GK5: variants seen among roughly 807,000 people sequenced by gnomAD.
GK5 encodes the protein ATP:glycerol 3-phosphotransferase 5.
A neutral mutation model predicts 77.3 loss-of-function variants in GK5; 39 were observed. The ratio of observed to expected loss-of-function variants is 0.50; its 90% CI spans 0.39 to 0.66. The LOEUF is 0.66. Ranked by LOEUF, GK5 falls within the 30% of genes least tolerant of loss-of-function variation. GK5 has a pLI of 0.00. For synonymous variants in GK5, 211 were observed against 208.0 expected (o/e 1.01, Z -0.13); for missense variants, 487 against 633.8 (o/e 0.77, Z 2.49).
intron 3 of GK5, among the ~76,000 whole-genome samples, 168 bp downstream of exon 3, chr3:142,213,358 T>C (rs1409480726): frequency 6.6e-6 from 1 of 152,186 alleles, no homozygotes. Flanking sequence ...CAAGCCCAAA[T>C]GACATGCAGT....
At chr3:142,205,995 A>G (rs2064100582) in intron 3 of GK5, among the ~76,000 whole-genome samples, 1 of 152,206 alleles carries the variant, frequency 6.6e-6, no homozygotes, top group South Asian at 2.1e-4. Flanking sequence ...ATATAAGTAG[A>G]ATTATACAAT....
chr3:142,225,248 C>G, intron 1 of GK5, 61 bp downstream of exon 1: 1 of 1,449,354 alleles, frequency 6.9e-7, no homozygotes, highest in Non-Finnish European at 9.1e-7. Flanking sequence ...CTCCCGAGGC[C>G]GGACCCCGGG....
At chr3:142,175,248 G>A (rs1483744387) in intron 12 of GK5, among the ~76,000 whole-genome samples, 2 of 152,144 alleles carry the variant, frequency 1.3e-5, no homozygotes, top group Non-Finnish European at 2.9e-5. Flanking sequence ...AGCCCTGCTA[G>A]AGGAAAGCCA....
chr3:142,184,098 A>C (rs190267836), intron 9 of GK5, among the ~76,000 whole-genome samples: 1 of 151,544 alleles, frequency 6.6e-6, no homozygotes, highest in East Asian at 1.9e-4. Flanking sequence ...CTCTACTAAA[A>C]AAAATACAAA....
At chr3:142,182,677 CAT>C (rs1429330216) in intron 10 of GK5, among the ~76,000 whole-genome samples, 1 of 152,068 alleles carries the variant, frequency 6.6e-6, no homozygotes, top group Non-Finnish European at 1.5e-5. Flanking sequence ...ACAAATACAA[CAT>C]GTGTTATAGA....
chr3:142,175,726 C>A (rs1184597655), intron 12 of GK5, among the ~76,000 whole-genome samples: 1 of 152,040 alleles, frequency 6.6e-6, no homozygotes, highest in Non-Finnish European at 1.5e-5. Context: ...AGGTTGCAAT[C>A]ATGGCAGGAC....
rs75469197 is a variant in GK5, at chr3:142,205,765, T to C, written c.318-977A>G. Among the ~76,000 whole-genome samples, 862 of 152,332 alleles carry C rather than the reference T, an allele frequency of 5.7e-3. 19 individuals are homozygous for C. Among genetic ancestry groups the C allele is most frequent in the African/African-American group, 0.02 (834 of 41,560 alleles). Reference sequence around the variant, plus strand: ...AAATTGTGGCAAAATATACATAATATGAGGTTTACCATTTTACCTATTTTA... The same window carrying C: ...AAATTGTGGCAAAATATACATAATACGAGGTTTACCATTTTACCTATTTTA... On this transcript the variant is annotated intron_variant, in intron 3 of 15. Coordinates refer to ENST00000392993, the MANE Select transcript of GK5 (RefSeq NM_001039547.3).
chr3:142,217,513 G>A (rs1245392467), intron 1 of GK5, among the ~76,000 whole-genome samples: 1 of 151,956 alleles, frequency 6.6e-6, no homozygotes, highest in Non-Finnish European at 1.5e-5. Flanking sequence ...GAAGAACAAA[G>A]CCCCAGGACA....
At chr3:142,220,224 A>G (rs1449670603) in intron 1 of GK5, among the ~76,000 whole-genome samples, 1 of 151,806 alleles carries the variant, frequency 6.6e-6, no homozygotes, top group Non-Finnish European at 1.5e-5. Flanking sequence ...TGCAAGCTCC[A>G]CCTCCCGGGT....
chr3:142,193,093 C>T (rs977497175), intron 5 of GK5, among the ~76,000 whole-genome samples: 1 of 152,036 alleles, frequency 6.6e-6, no homozygotes, highest in Non-Finnish European at 1.5e-5. Context: ...AGATACATTA[C>T]ATTAATAATA....
intron 11 of GK5, among the ~76,000 whole-genome samples, chr3:142,180,951 C>G (rs895672653): frequency 6.6e-6 from 1 of 152,196 alleles, no homozygotes; most frequent in Non-Finnish European, 1.5e-5. Context: ...AACCACCCCC[C>G]AGACTGACCA....
chr3:142,212,327 G>A (rs969067094), intron 3 of GK5, among the ~76,000 whole-genome samples: 1 of 152,002 alleles, frequency 6.6e-6, no homozygotes, highest in Non-Finnish European at 1.5e-5. Flanking sequence ...TTGAGCCAAG[G>A]AATTCGAGAC....
chr3:142,218,322 C>G (rs1309769738), intron 1 of GK5, among the ~76,000 whole-genome samples: 1 of 145,610 alleles, frequency 6.9e-6, no homozygotes, highest in Non-Finnish European at 1.5e-5. Context: ...TGTCTGAGCT[C>G]AGGAGTTCAC....
rs1560222996 is a variant in GK5, at chr3:142,193,707, C to CT, written c.543+5094dup. Among the ~76,000 whole-genome samples the CT allele has an allele frequency of 3.3e-5, 5 of 152,034 alleles. No homozygotes were observed. The South Asian group carries it at 1.0e-3, about 32-fold the overall frequency. ...TAAGCTTATTCATACGTATTTTATT[C>CT]TTTTTGATGTTTTTGTAAATGAAAC... On this transcript the variant is annotated intron_variant, in intron 5 of 15. Transcript: ENST00000392993.
chr3:142,177,843 C>G (rs1405114223), intron 11 of GK5, among the ~76,000 whole-genome samples: 2 of 149,934 alleles, frequency 1.3e-5, no homozygotes, highest in African/African-American at 2.5e-5. Flanking sequence ...TGCAGCAGGA[C>G]TTACGTTTTT....
At chr3:142,188,023 C>T (rs1477224601) in intron 5 of GK5, among the ~76,000 whole-genome samples, 1 of 151,834 alleles carries the variant, frequency 6.6e-6, no homozygotes, top group East Asian at 1.9e-4. Flanking sequence ...TAGTTGTATA[C>T]CAAGCATGCG....
chr3:142,185,570 G>A (rs2063757676), intron 9 of GK5: 1 of 1,083,034 alleles, frequency 9.2e-7, no homozygotes, highest in Middle Eastern at 4.5e-4. Flanking sequence ...TTATCAAACA[G>A]AACATAAATA....
chr3:142,208,440 T>C (rs1221784861), intron 3 of GK5, among the ~76,000 whole-genome samples: 1 of 152,228 alleles, frequency 6.6e-6, no homozygotes, highest in Non-Finnish European at 1.5e-5. Context: ...ATGTAGGTCT[T>C]TGATGCATTT....
intron 3 of GK5, among the ~76,000 whole-genome samples, chr3:142,206,179 G>A (rs1163884375): frequency 6.6e-6 from 1 of 152,130 alleles, no homozygotes; most frequent in African/African-American, 2.4e-5. Context: ...ACACACTTGG[G>A]TTGTTTGTAC....
Sources: gnomAD v4.1 joint callset for allele counts (sites outside exome capture counted in the v4.1 genomes callset) on GRCh38, gnomAD v4.1.1 for gene constraint, MANE v1.5 for transcripts, NCBI Gene and HGNC (gene_info 2026-07-23, HGNC 2026-07-21) for gene names.